DIAPH3: variants seen among roughly 807,000 people sequenced by gnomAD.
The protein encoded by DIAPH3 is diaphanous related formin 3, also known as protein diaphanous homolog 3.
In DIAPH3, 117 loss-of-function variants were observed where a neutral mutation model predicts 144.3. That is an observed-to-expected ratio of 0.81 (90% CI 0.70 to 0.95). DIAPH3 has a LOEUF of 0.95. DIAPH3 is among the 40% of genes least tolerant of loss of function. The pLI is 0.00. For synonymous variants in DIAPH3, 519 were observed against 488.9 expected (o/e 1.06, Z -0.81); for missense variants, 1,421 against 1,412.7 (o/e 1.01, Z -0.09).
chr13:59,890,685 T>G (rs2045734476), intron 20 of DIAPH3, among the ~76,000 whole-genome samples: 1 of 151,756 alleles, frequency 6.6e-6, no homozygotes, highest in African/African-American at 2.4e-5. Context: ...CATATATACA[T>G]ATATGTATGT....
intron 4 of DIAPH3, among the ~76,000 whole-genome samples, chr13:60,090,340 C>T (rs904797909): frequency 9.9e-5 from 15 of 151,874 alleles, no homozygotes; most frequent in African/African-American, 3.4e-4. Context: ...AACTTAATAA[C>T]GTCTTAGAAA....
intron 17 of DIAPH3, among the ~76,000 whole-genome samples, chr13:59,937,046 G>A (rs934163962): frequency 6.6e-6 from 1 of 151,468 alleles, no homozygotes; most frequent in Non-Finnish European, 1.5e-5. Context: ...TCCTGTTGTC[G>A]CAGCTACTCG....
intron 17 of DIAPH3, among the ~76,000 whole-genome samples, chr13:59,949,758 G>A (rs2049004007): frequency 6.6e-6 from 1 of 152,096 alleles, no homozygotes; most frequent in African/African-American, 2.4e-5. Context: ...ATCCATAACA[G>A]TATCTTGAGT....
chr13:60,000,363 T>C (rs11839948), intron 9 of DIAPH3, among the ~76,000 whole-genome samples: 2,870 of 152,036 alleles, frequency 0.019, 85 homozygotes, highest in African/African-American at 0.065. Flanking sequence ...CACTGAACTA[T>C]ACTCTCAAAG....
intron 4 of DIAPH3, among the ~76,000 whole-genome samples, chr13:60,076,896 C>T (rs2141378876): frequency 6.6e-6 from 1 of 152,150 alleles, no homozygotes; most frequent in East Asian, 1.9e-4. Flanking sequence ...TATCTGAATT[C>T]TGATCATATA....
intron 1 of DIAPH3, among the ~76,000 whole-genome samples, chr13:60,134,340 A>G (rs778758220): frequency 6.6e-6 from 1 of 152,222 alleles, no homozygotes; most frequent in Non-Finnish European, 1.5e-5. Context: ...TTTTTTATCA[A>G]TACTATCTTC....
At chr13:59,827,199 A>G (rs1236406631) in intron 24 of DIAPH3, among the ~76,000 whole-genome samples, 1 of 152,026 alleles carries the variant, frequency 6.6e-6, no homozygotes, top group Non-Finnish European at 1.5e-5. Flanking sequence ...AATTAAACTA[A>G]AGAGCTTCTG....
chr13:59,996,617 G>A (rs944476086), intron 9 of DIAPH3, among the ~76,000 whole-genome samples: 3 of 151,946 alleles, frequency 2.0e-5, no homozygotes, highest in African/African-American at 7.2e-5. Flanking sequence ...GGCCAAAAAG[G>A]TAATGACAAA....
chr13:59,802,578 T>TA (rs397757902), intron 25 of DIAPH3, among the ~76,000 whole-genome samples: 3 of 146,964 alleles, frequency 2.0e-5, no homozygotes, highest in Admixed American at 1.4e-4. Flanking sequence ...TTTTTTTTTT[T>TA]ACTTCATGGT....
chr13:60,084,120 G>A (rs1239335087), intron 4 of DIAPH3, among the ~76,000 whole-genome samples: 2 of 151,980 alleles, frequency 1.3e-5, no homozygotes, highest in East Asian at 3.9e-4. Flanking sequence ...AAAGAAACTC[G>A]AGGAAATGAT....
chr13:59,817,914 C>G (rs2040861844), intron 24 of DIAPH3, among the ~76,000 whole-genome samples: 1 of 151,926 alleles, frequency 6.6e-6, no homozygotes, highest in Non-Finnish European at 1.5e-5. Flanking sequence ...CTCTCTCACT[C>G]AATTTATAAA....
intron 4 of DIAPH3, among the ~76,000 whole-genome samples, chr13:60,090,238 T>C (rs933725510): frequency 2.6e-5 from 4 of 152,236 alleles, no homozygotes; most frequent in African/African-American, 9.6e-5. Flanking sequence ...TCTGGTATTT[T>C]CTGCTTCTAA....
At chr13:59,801,633 A>C (rs1205198608) in intron 25 of DIAPH3, among the ~76,000 whole-genome samples, 9 of 152,088 alleles carry the variant, frequency 5.9e-5, no homozygotes, top group Admixed American at 5.9e-4. Flanking sequence ...TCAGTCATCT[A>C]TTTTCTGTTA....
At chr13:59,880,679 AC>A (rs2044960393) in intron 20 of DIAPH3, among the ~76,000 whole-genome samples, 1 of 152,132 alleles carries the variant, frequency 6.6e-6, no homozygotes, top group Admixed American at 6.6e-5. Flanking sequence ...TACTCATCTG[AC>A]AAAAATTGAG....
chr13:59,812,313 G>A (rs940410125), intron 24 of DIAPH3, among the ~76,000 whole-genome samples: 9 of 148,356 alleles, frequency 6.1e-5, no homozygotes, highest in Admixed American at 1.3e-4. Context: ...TCTATCCATC[G>A]ATCCATCCAT....
chr13:59,809,036 T>C (rs1304088461), intron 25 of DIAPH3, among the ~76,000 whole-genome samples: 1 of 152,212 alleles, frequency 6.6e-6, no homozygotes, highest in Non-Finnish European at 1.5e-5. Flanking sequence ...TGACATTACA[T>C]TGGAAGTTTT....
At chr13:59,895,816 C>A (rs879868497) in intron 20 of DIAPH3, among the ~76,000 whole-genome samples, 7 of 152,128 alleles carry the variant, frequency 4.6e-5, no homozygotes, top group Admixed American at 4.6e-4. Context: ...ATGAGCCAGA[C>A]GAGGTAGTCG....
At chr13:59,915,347 T>TG (rs1260755622) in intron 19 of DIAPH3, among the ~76,000 whole-genome samples, 2 of 152,086 alleles carry the variant, frequency 1.3e-5, no homozygotes, top group Non-Finnish European at 2.9e-5. Context: ...AGGCAAAACT[T>TG]AGAACAACTT....
intron 27 of DIAPH3, among the ~76,000 whole-genome samples, chr13:59,765,137 T>C (rs1251452971): frequency 6.6e-6 from 1 of 152,210 alleles, no homozygotes; most frequent in East Asian, 1.9e-4. Flanking sequence ...AAATTCTCCA[T>C]AGTCTTAATT....
Sources: allele counts gnomAD v4.1 joint callset (sites outside exome capture counted in the v4.1 genomes callset), GRCh38; gene constraint gnomAD v4.1.1; transcripts MANE v1.5; gene names NCBI Gene and HGNC (gene_info 2026-07-23, HGNC 2026-07-21).